The following PLAAT2 variants were observed in gnomAD, a reference collection of about 807,000 sequenced individuals.
PLAAT2 encodes HRAS like suppressor 2.
PLAAT2 carries 12 observed loss-of-function variants against 12.8 expected under a neutral mutation model. The observed-to-expected ratio is 0.94, with a 90% confidence interval of 0.60 to 1.52. The LOEUF (loss-of-function observed/expected upper bound fraction) is 1.52, where lower values mean the gene tolerates loss of function less well. Among genes scored for constraint, PLAAT2 ranks in the 40% most tolerant of loss-of-function variants. The pLI is 0.00. For missense variants in PLAAT2, 166 were observed against 208.1 expected, an observed-to-expected ratio of 0.80 and a Z score of 1.24; for synonymous variants, 79 against 86.8, an observed-to-expected ratio of 0.91 and a Z score of 0.50.
At chr11:63,554,614 T>G (rs2017449417) in intron 3 of PLAAT2, among the ~76,000 whole-genome samples, 1 of 138,296 alleles carries the variant, frequency 7.2e-6, no homozygotes, top group African/African-American at 2.7e-5. Flanking sequence ...GGTGACAGAG[T>G]GAGACTATGT....
chr11:63,558,995 G>A (rs376091200), intron 2 of PLAAT2, among the ~76,000 whole-genome samples: 34 of 152,300 alleles, frequency 2.2e-4, no homozygotes, highest in African/African-American at 6.7e-4. Context: ...CCCAACTGCC[G>A]CTCACTAGCT....
Position 63,552,982 on chromosome 11 carries a change from G to A in PLAAT2, c.471C>T (p.Ser157=). The part of the protein sequence containing the change: ...ASLVGILLAR[S]KRERQ ...CTTGGATTTATTGCCTTTCCCGCTT[G>A]CTTCTGGCCAGCAGGATCCCCACAA... is the stretch of plus-strand genomic sequence containing the variant. Residue 157 remains serine (S), a synonymous_variant, in exon 4 of 4, where the codon AGC becomes AGT. Coordinates refer to ENST00000255695, the MANE Select transcript of PLAAT2 (RefSeq NM_017878.2). 6.2e-7 allele frequency: 1 copy of A among 1,613,454 alleles called. No individual in the cohort carries two copies. The highest frequency in any genetic ancestry group is 8.5e-7 in the Non-Finnish European group (1 of 1,179,426).
Position 63,553,145 on chromosome 11 carries a change from A to G in PLAAT2, c.388-80T>C. On this transcript the variant is annotated intron_variant, in intron 3 of 3. Coordinates refer to ENST00000255695, the MANE Select transcript of PLAAT2 (RefSeq NM_017878.2). ...ATACACCAGGAAACTACAGCTCAGGAAAGACTCATCTGGCCCAGTCCTCTT... is the reference window on the plus strand; with the variant it reads ...ATACACCAGGAAACTACAGCTCAGGGAAGACTCATCTGGCCCAGTCCTCTT... 11 of 849,074 alleles carry G rather than the reference A, an allele frequency of 1.3e-5. No individual in the cohort carries two copies. The South Asian group carries it at 1.5e-4, about 11-fold the overall frequency. The allele number at this position is 849,074 out of a possible 1,614,324, so 52.6% of individuals were successfully genotyped here.
upstream of PLAAT2, among the ~76,000 whole-genome samples, chr11:63,564,827 G>A (rs184528324): frequency 5.3e-4 from 80 of 152,108 alleles, no homozygotes; most frequent in Admixed American, 9.2e-4. Flanking sequence ...CCCTCCCCTT[G>A]CAACCACATC....
At chr11:63,559,204 G>A (rs1207931226) in intron 2 of PLAAT2, among the ~76,000 whole-genome samples, 2 of 152,224 alleles carry the variant, frequency 1.3e-5, no homozygotes, top group Non-Finnish European at 2.9e-5. Context: ...CTCCGGGGGC[G>A]AGGCTGGAGG....
At chr11:63,557,460 G>A (rs933244545) in intron 3 of PLAAT2, among the ~76,000 whole-genome samples, 2 of 152,020 alleles carry the variant, frequency 1.3e-5, no homozygotes, top group Admixed American at 6.6e-5. Context: ...CCAGGAGGTC[G>A]AGGCTGCAGT....
chr11:63,558,488 C>T lies in PLAAT2; in HGVS notation c.291G>A (p.Glu97=). 2 of 1,614,240 alleles carry T rather than the reference C, an allele frequency of 1.2e-6. No homozygotes were observed. Among genetic ancestry groups the T allele is most frequent in the East Asian group, 4.5e-5 (2 of 44,880 alleles). The change falls in exon 3 of 4, where the codon GAG becomes GAA. Residue 97 remains glutamate (E), a synonymous_variant. Transcript: ENST00000255695. ...LPSNKIVKRA[E]ELVGQELPYS... ...AAGGCAACTCCTGCCCCACCAACTC[C>T]TCTGCCCGCTTGACGATTTTGTTGG...
upstream of PLAAT2, among the ~76,000 whole-genome samples, chr11:63,564,872 G>A (rs1350702789): frequency 2.6e-5 from 4 of 152,050 alleles, no homozygotes; most frequent in Admixed American, 6.5e-5. Flanking sequence ...GGACTTCCAC[G>A]TGCTGTCTGC....
intron 3 of PLAAT2, among the ~76,000 whole-genome samples, chr11:63,554,772 G>A (rs546982629): frequency 6.6e-6 from 1 of 152,270 alleles, no homozygotes; most frequent in Admixed American, 6.5e-5. Context: ...CGACCAAATA[G>A]CAGATTTCTG....
chr11:63,559,476 G>C (rs1450110395), intron 2 of PLAAT2, among the ~76,000 whole-genome samples: 1 of 152,024 alleles, frequency 6.6e-6, no homozygotes, highest in Non-Finnish European at 1.5e-5. Context: ...CTTACTGTGT[G>C]TCTTCAGAAA....
intron 3 of PLAAT2, among the ~76,000 whole-genome samples, chr11:63,556,928 G>A (rs1449968248): frequency 6.6e-6 from 1 of 152,182 alleles, no homozygotes; most frequent in African/African-American, 2.4e-5. Flanking sequence ...TGGTTATCAT[G>A]AAACTGTGCA....
chr11:63,557,280 C>T (rs2017474638), intron 3 of PLAAT2, among the ~76,000 whole-genome samples: 2 of 152,102 alleles, frequency 1.3e-5, no homozygotes, highest in Admixed American at 1.3e-4. Context: ...ACCTGTAATC[C>T]CAAGGGAGGC....
rs201966137 is a variant in PLAAT2 at position 63,558,391 on chromosome 11, C to T, written c.387+1G>A. 5.0e-6 allele frequency: 8 copies of T among 1,613,180 alleles called. No individual in the cohort carries two copies. Among genetic ancestry groups the T allele is most frequent in the Admixed American group, 1.7e-5 (1 of 60,016 alleles). Reference sequence around the variant, plus strand: ...GAAGGGGATGCAGGCTGAAGATGCACCTGGTCACTGCGGGAGACGCCATAG... The same window carrying T: ...GAAGGGGATGCAGGCTGAAGATGCATCTGGTCACTGCGGGAGACGCCATAG... On this transcript the variant is annotated splice_donor_variant, in intron 3 of 3. Coordinates refer to ENST00000255695, the MANE Select transcript of PLAAT2 (RefSeq NM_017878.2). LOFTEE classifies it high-confidence loss of function.
At chr11:63,557,207 C>G (rs2017474005) in intron 3 of PLAAT2, among the ~76,000 whole-genome samples, 1 of 152,106 alleles carries the variant, frequency 6.6e-6, no homozygotes, top group Non-Finnish European at 1.5e-5. Context: ...TTGATGTCAT[C>G]TAAGAATGTA....
chr11:63,559,225 C>T (rs577781011), intron 2 of PLAAT2, among the ~76,000 whole-genome samples: 6 of 152,326 alleles, frequency 3.9e-5, no homozygotes, highest in African/African-American at 9.6e-5. Context: ...ATTGCTTTAG[C>T]GCCGAAATTA....
chr11:63,560,224 G>A (rs533514107), intron 1 of PLAAT2, 31 bp from the exon 2 acceptor site: 1 of 1,546,844 alleles, frequency 6.5e-7, no homozygotes, highest in South Asian at 1.1e-5. Context: ...ACAGGCAGAG[G>A]TGAGCCATCT....
At position 63,553,036 on chromosome 11, in the gene PLAAT2, C is replaced by T; in HGVS notation, c.417G>A (p.Val139=). 2.5e-6 allele frequency: 4 copies of T among 1,613,810 alleles called. No individual in the cohort carries two copies. The highest frequency in any genetic ancestry group is 2.5e-6 in the Non-Finnish European group (3 of 1,179,838). The change falls in exon 4 of 4, where the codon GTG becomes GTA. Residue 139 remains valine, a synonymous_variant. Transcript: ENST00000255695. The part of the protein sequence containing the change: ...QVTGAVTTVG[V]AAGLLAAASL... ...TTGCGGCAGCCAGCAGGCCTGCTGCCACACCTACTGTCGTGACTGCACCAG... is the reference window on the plus strand; with the variant it reads ...TTGCGGCAGCCAGCAGGCCTGCTGCTACACCTACTGTCGTGACTGCACCAG...
At chr11:63,555,418 T>C (rs2017458040) in intron 3 of PLAAT2, among the ~76,000 whole-genome samples, 1 of 152,228 alleles carries the variant, frequency 6.6e-6, no homozygotes, top group Admixed American at 6.5e-5. Flanking sequence ...TAATTATGAG[T>C]GGCTCATGCC....
chr11:63,557,979 T>TG (rs1197136858), intron 3 of PLAAT2, among the ~76,000 whole-genome samples: 1 of 152,106 alleles, frequency 6.6e-6, no homozygotes, highest in African/African-American at 2.4e-5. Context: ...AGAGAACACA[T>TG]GTAGGTTTAA....
Sources: gnomAD v4.1 joint callset for allele counts (sites outside exome capture counted in the v4.1 genomes callset) on GRCh38, gnomAD v4.1.1 for gene constraint, MANE v1.5 for transcripts, NCBI Gene and HGNC (gene_info 2026-07-23, HGNC 2026-07-21) for gene names.